The following MTUS1 variants were observed in gnomAD, a reference collection of about 807,000 sequenced individuals.
MTUS1 encodes the protein microtubule associated scaffold protein 1.
Under a neutral mutation model 120.8 loss-of-function variants are expected in MTUS1, and 109 were observed. That is an observed-to-expected ratio of 0.90 (90% confidence interval 0.77 to 1.06). The LOEUF is 1.06. MTUS1 is among the 50% of genes least tolerant of loss of function. MTUS1 has a pLI of 0.00. For missense variants in MTUS1, 2,210 were observed against 1,486.3 expected (o/e 1.49, Z -8.01); for synonymous variants, 737 against 550.5 (o/e 1.34, Z -4.74).
At chr8:17,653,806 C>T in intron 10 of MTUS1, 1 of 253,748 alleles carries the variant, frequency 3.9e-6, no homozygotes, top group Non-Finnish European at 7.3e-6. Context: ...ATAAATGCCA[C>T]TCCAGACTCC....
intron 8 of MTUS1, among the ~76,000 whole-genome samples, chr8:17,661,128 G>A (rs945172749): frequency 5.9e-5 from 9 of 152,084 alleles, no homozygotes; most frequent in Admixed American, 4.6e-4. Context: ...TTAGTCAAAC[G>A]AGTAAACACT....
intron 3 of MTUS1, among the ~76,000 whole-genome samples, chr8:17,728,785 G>C (rs535279536): frequency 4.7e-4 from 72 of 152,202 alleles, no homozygotes; most frequent in Non-Finnish European, 7.6e-4. Context: ...TGTGGGTTGG[G>C]GGGGTCGGGG....
chr8:17,689,908 A>G (rs1173556084), intron 6 of MTUS1, among the ~76,000 whole-genome samples: 1 of 133,656 alleles, frequency 7.5e-6, no homozygotes, highest in Non-Finnish European at 1.6e-5. Flanking sequence ...ACCTGAAAAA[A>G]TAAAAATTCC....
In MTUS1 at chr8:17,650,480, A is replaced by C. The variant is rs146872230; in HGVS notation, c.3385-518T>G. 9.9e-5 allele frequency among the ~76,000 whole-genome samples: 15 copies of C among 152,190 alleles called. No homozygotes were observed. The East Asian group carries it at 2.9e-3, about 29-fold the overall frequency. On this transcript the variant is annotated intron_variant, in intron 12 of 14. Transcript: ENST00000693296. The stretch of plus-strand genomic sequence containing the variant: ...ATACTTCTAGGGCAGACATAATACT[A>C]TCATTTTCTATTGTGACACCCCAGT...
chr8:17,717,911 G>A (rs191865376), intron 4 of MTUS1, among the ~76,000 whole-genome samples: 25 of 152,154 alleles, frequency 1.6e-4, no homozygotes, highest in East Asian at 1.3e-3. Context: ...AAATGTCTGC[G>A]TTTGACTCAG....
intron 7 of MTUS1, among the ~76,000 whole-genome samples, chr8:17,679,197 T>TAC (rs1333132535): frequency 1.2e-4 from 7 of 60,242 alleles, no homozygotes; most frequent in Non-Finnish European, 2.9e-4. Flanking sequence ...AAAAAATATA[T>TAC]ATACACACAC....
chr8:17,757,189 G>C (rs756120688), intron 1 of MTUS1, among the ~76,000 whole-genome samples: 13 of 152,120 alleles, frequency 8.5e-5, no homozygotes, highest in Non-Finnish European at 1.5e-4. Context: ...GTACTCTTAT[G>C]CATTTGACAA....
rs73206219 is a variant in MTUS1, at chr8:17,723,664, C to T, written c.2449+8G>A. 3.4e-3 allele frequency: 5,383 copies of T among 1,606,236 alleles called. 191 individuals carry two copies. Among genetic ancestry groups the T allele is most frequent in the Non-Finnish European group, 4.2e-3 (4,930 of 1,173,468 alleles). ...CAACCCCCGAAGTGTGATATAAAGTCGACTTACAATTGTTGCTGTAAGTGC... is the reference window on the plus strand; with the variant it reads ...CAACCCCCGAAGTGTGATATAAAGTTGACTTACAATTGTTGCTGTAAGTGC... On this transcript the variant is annotated splice_region_variant and intron_variant, in intron 4 of 14. Transcript: ENST00000693296.
chr8:17,678,277 C>T (rs1813521946), intron 7 of MTUS1, among the ~76,000 whole-genome samples: 1 of 152,112 alleles, frequency 6.6e-6, no homozygotes, highest in South Asian at 2.1e-4. Context: ...CAGTGTTTCT[C>T]TCTTAGATGA....
upstream of MTUS1, among the ~76,000 whole-genome samples, chr8:17,801,106 G>A (rs2052649531): frequency 6.6e-6 from 1 of 150,890 alleles, no homozygotes; most frequent in Non-Finnish European, 1.5e-5. Flanking sequence ...CAGAGGCGGG[G>A]AGGGCTGGCG....
rs749224805 is a variant in MTUS1, at chr8:17,755,412, A to G, written c.396T>C (p.Val132=). The change falls in exon 2 of 15, where the codon GTT becomes GTC. Residue 132 remains valine, a synonymous_variant. Coordinates refer to ENST00000693296, the MANE Select transcript of MTUS1 (RefSeq NM_001363059.2). Reference sequence around the variant, plus strand: ...TCCACACAAAAGGCAAAGATGGCTCAACACTCTGGCCCTCAACTGCTTCTA... The same window carrying G: ...TCCACACAAAAGGCAAAGATGGCTCGACACTCTGGCCCTCAACTGCTTCTA... ...HSLEAVEGQS[V]EPSLPFVWKP... The G allele has an allele frequency of 5.0e-6, 8 of 1,614,216 alleles. No individual in the cohort carries two copies. In the South Asian group the frequency reaches 8.8e-5, roughly 18 times the overall value.
chr8:17,654,899 G>C (rs974407332), intron 9 of MTUS1: 2 of 541,226 alleles, frequency 3.7e-6, no homozygotes. Context: ...GTCCAGCCTG[G>C]GCAATGTCGC....
chr8:17,723,057 G>A (rs1323269257), intron 4 of MTUS1, among the ~76,000 whole-genome samples: 1 of 152,160 alleles, frequency 6.6e-6, no homozygotes, highest in Non-Finnish European at 1.5e-5. Context: ...CATGGTGTCT[G>A]TGCACAGCGG....
At chr8:17,646,503 G>A (rs1051445135) in intron 14 of MTUS1, among the ~76,000 whole-genome samples, 1 of 152,160 alleles carries the variant, frequency 6.6e-6, no homozygotes, top group African/African-American at 2.4e-5. Context: ...TGGGAGGACT[G>A]CTCGAGCCTA....
At chr8:17,716,861 T>A (rs576334606) in intron 4 of MTUS1, among the ~76,000 whole-genome samples, 58 of 152,266 alleles carry the variant, frequency 3.8e-4, no homozygotes, top group African/African-American at 1.3e-3. Context: ...GCCTGTTTGT[T>A]TCCAAATAAT....
chr8:17,684,511 G>A lies in MTUS1; in HGVS notation c.2655C>T (p.Ser885=), dbSNP rs1209206984. 2 of 1,614,028 alleles carry A rather than the reference G, an allele frequency of 1.2e-6. No homozygotes were observed. The highest frequency in any genetic ancestry group is 1.1e-5 in the South Asian group (1 of 91,086). ...VEKSRQKNPR[S]LCIQPQTAPD... ...GAGCTGTCTGTGGCTGGATACATAA[G>A]CTTCGAGGATTCTTTTGCCTGCTCT... Residue 885 remains serine, a synonymous_variant, in exon 7 of 15, where the codon AGC becomes AGT. Transcript: ENST00000693296.
At chr8:17,700,664 T>C (rs1376118761) in intron 6 of MTUS1, among the ~76,000 whole-genome samples, 1 of 151,652 alleles carries the variant, frequency 6.6e-6, no homozygotes, top group Non-Finnish European at 1.5e-5. Context: ...TATTTTTTCT[T>C]TATTATATGT....
chr8:17,731,899 A>G (rs570166201), intron 3 of MTUS1, among the ~76,000 whole-genome samples: 1 of 152,316 alleles, frequency 6.6e-6, no homozygotes, highest in African/African-American at 2.4e-5. Context: ...TTAACCCCAT[A>G]GAAGAGTTTA....
intron 2 of MTUS1, among the ~76,000 whole-genome samples, chr8:17,745,858 C>A (rs2979786): frequency 6.6e-6 from 1 of 152,230 alleles, no homozygotes; most frequent in African/African-American, 2.4e-5. Context: ...AATCTCACAT[C>A]GAATTGTAAT....
Sources: allele counts gnomAD v4.1 joint callset (sites outside exome capture counted in the v4.1 genomes callset), GRCh38; gene constraint gnomAD v4.1.1; transcripts MANE v1.5; gene names NCBI Gene and HGNC (gene_info 2026-07-23, HGNC 2026-07-21).